The following OR1J2 variants were observed in gnomAD, a reference collection of about 807,000 sequenced individuals.
OR1J2 encodes olfactory receptor family 1 subfamily J member 2, also known as olfactory receptor 1J2.
For synonymous variants in OR1J2, 142 were observed against 99.7 expected, an observed-to-expected ratio of 1.42 and a Z score of -2.52; for missense variants, 304 against 246.1, an observed-to-expected ratio of 1.24 and a Z score of -1.57.
chr9:122,543,308 C>A, the OR1J2 span, among the ~76,000 whole-genome samples: 1 of 152,126 alleles, frequency 6.6e-6, no homozygotes, highest in Non-Finnish European at 1.5e-5. Context: ...GCTCAAGCAA[C>A]CTTCCCAATT....
the OR1J2 span, among the ~76,000 whole-genome samples, chr9:122,500,041 A>G: frequency 6.6e-6 from 1 of 152,218 alleles, no homozygotes; most frequent in Non-Finnish European, 1.5e-5. Flanking sequence ...TTCTGGCTGT[A>G]GAGGTCGTTA....
the OR1J2 span, among the ~76,000 whole-genome samples, chr9:122,487,059 T>C: frequency 6.6e-6 from 1 of 151,886 alleles, no homozygotes; most frequent in East Asian, 1.9e-4. Flanking sequence ...CCCTGGCCAG[T>C]GTTGTTGTTG....
chr9:122,504,010 A>T, the OR1J2 span, among the ~76,000 whole-genome samples: 2 of 152,212 alleles, frequency 1.3e-5, no homozygotes, highest in Admixed American at 6.5e-5. Context: ...ATGAGGCCAT[A>T]GGTAAGGGCT....
the OR1J2 span, among the ~76,000 whole-genome samples, chr9:122,464,162 T>A: frequency 6.6e-6 from 1 of 152,118 alleles, no homozygotes; most frequent in Non-Finnish European, 1.5e-5. Context: ...AATGGAGTTA[T>A]GTTCCCAGGG....
the OR1J2 span, among the ~76,000 whole-genome samples, chr9:122,539,600 C>T: frequency 2.2e-4 from 33 of 152,124 alleles, no homozygotes; most frequent in Admixed American, 2.1e-3. Flanking sequence ...TTTATAGCAG[C>T]ATGATTTGTA....
At chr9:122,483,530 A>G in the OR1J2 span, among the ~76,000 whole-genome samples, 1 of 152,246 alleles carries the variant, frequency 6.6e-6, no homozygotes, top group Non-Finnish European at 1.5e-5. Context: ...GTGGAACAAC[A>G]CTATATATTA....
At chr9:122,472,626 A>C in the OR1J2 span, among the ~76,000 whole-genome samples, 2 of 152,360 alleles carry the variant, frequency 1.3e-5, no homozygotes, top group East Asian at 3.9e-4. Flanking sequence ...ATGCTTCAAT[A>C]TTATAAAGGT....
chr9:122,453,028 CA>C, the OR1J2 span, among the ~76,000 whole-genome samples: 14,793 of 93,372 alleles, frequency 0.16, 689 homozygotes, highest in Middle Eastern at 0.21. Context: ...AGCTTCGTCT[CA>C]AAAAAAAAAA....
the OR1J2 span, among the ~76,000 whole-genome samples, chr9:122,532,595 G>A: frequency 2.4e-5 from 3 of 124,440 alleles, 1 homozygote; most frequent in African/African-American, 6.5e-5. Context: ...AGGAGCTGCG[G>A]AGCAGACTGT....
chr9:122,488,819 TGTGAGG>T, the OR1J2 span, among the ~76,000 whole-genome samples: 4 of 152,092 alleles, frequency 2.6e-5, no homozygotes, highest in African/African-American at 9.7e-5. Flanking sequence ...GCAAGAATTT[TGTGAGG>T]CACTGTAAGT....
At chr9:122,554,178 G>A in the OR1J2 span, 14 of 1,573,230 alleles carry the variant, frequency 8.9e-6, 1 homozygote, top group African/African-American at 2.7e-5. Flanking sequence ...CATCTAGACG[G>A]TGATGTCTAA....
At chr9:122,549,284 C>T in the OR1J2 span, among the ~76,000 whole-genome samples, 1 of 152,136 alleles carries the variant, frequency 6.6e-6, no homozygotes, top group Non-Finnish European at 1.5e-5. Context: ...CCTTCACCTT[C>T]CACCATGATT....
At chr9:122,489,736 A>G in the OR1J2 span, among the ~76,000 whole-genome samples, 1 of 152,216 alleles carries the variant, frequency 6.6e-6, no homozygotes, top group Non-Finnish European at 1.5e-5. Context: ...GTCCACGTTC[A>G]ATTGAGTTCA....
the OR1J2 span, among the ~76,000 whole-genome samples, chr9:122,501,057 G>A: frequency 1.4e-4 from 21 of 152,188 alleles, no homozygotes; most frequent in African/African-American, 2.9e-4. Context: ...AGTTATTTGC[G>A]AAAGGCAGAT....
chr9:122,559,126 T>A, the OR1J2 span, among the ~76,000 whole-genome samples: 3 of 152,044 alleles, frequency 2.0e-5, no homozygotes, highest in Non-Finnish European at 4.4e-5. Context: ...CATGCTTTTG[T>A]ACAATAGAAC....
the OR1J2 span, chr9:122,477,679 A>T: frequency 6.2e-7 from 1 of 1,614,110 alleles, no homozygotes; most frequent in Non-Finnish European, 8.5e-7. Flanking sequence ...CTGCATGTTC[A>T]TCAGCATCTT....
chr9:122,540,230 G>A, the OR1J2 span, among the ~76,000 whole-genome samples: 11 of 151,932 alleles, frequency 7.2e-5, no homozygotes, highest in East Asian at 5.8e-4. Context: ...GTTTTCTTCT[G>A]GGGTTTTTAT....
At chr9:122,516,366 G>C (rs919880461), downstream of OR1J2, among the ~76,000 whole-genome samples, 1 of 147,952 alleles carries the variant, frequency 6.8e-6, no homozygotes, top group Non-Finnish European at 1.5e-5. Flanking sequence ...TGCAGTGGCG[G>C]GATCTCGGCT....
chr9:122,506,645 T>C (rs1828526794), upstream of OR1J2, among the ~76,000 whole-genome samples: 1 of 151,850 alleles, frequency 6.6e-6, no homozygotes, highest in Non-Finnish European at 1.5e-5. Flanking sequence ...CTCTCAGCAA[T>C]AGATGAGTTT....
Sources: gnomAD v4.1 joint callset for allele counts (sites outside exome capture counted in the v4.1 genomes callset) on GRCh38, gnomAD v4.1.1 for gene constraint, MANE v1.5 for transcripts, NCBI Gene and HGNC (gene_info 2026-07-23, HGNC 2026-07-21) for gene names.